THAP4: variants seen among roughly 807,000 people sequenced by gnomAD.
THAP4 encodes the protein THAP domain containing 4, also known as peroxynitrite isomerase THAP4.
Under a neutral mutation model 48.1 loss-of-function variants are expected in THAP4, and 18 were observed. The ratio of observed to expected loss-of-function variants is 0.37; its 90% CI spans 0.26 to 0.56. THAP4 has a LOEUF of 0.56. Among genes scored for constraint, THAP4 ranks in the 20% least tolerant of loss-of-function variants. The probability of loss-of-function intolerance (pLI) is 0.78; values close to 1 mark genes in which losing one functional copy is unlikely to be tolerated. For missense variants in THAP4, 656 were observed against 774.9 expected, an observed-to-expected ratio of 0.85 and a Z score of 1.82; for synonymous variants, 345 against 324.9, an observed-to-expected ratio of 1.06 and a Z score of -0.66.
chr2:241,617,403 C>T (rs1331151615), intron 2 of THAP4: 2 of 1,543,270 alleles, frequency 1.3e-6, no homozygotes, highest in African/African-American at 1.4e-5. Flanking sequence ...ACACTGAAAG[C>T]AGGCTTACCC....
intron 2 of THAP4, among the ~76,000 whole-genome samples, chr2:241,618,417 G>A (rs183494430): frequency 2.0e-4 from 30 of 152,340 alleles, no homozygotes; most frequent in African/African-American, 7.2e-4. Context: ...AATTTGATAA[G>A]ATGGCCAATT....
intron 2 of THAP4, among the ~76,000 whole-genome samples, chr2:241,631,491 A>G (rs1043535494): frequency 6.6e-6 from 1 of 152,346 alleles, no homozygotes; most frequent in South Asian, 2.1e-4. Context: ...TTTTTGAGAC[A>G]GGGTCTCACT....
intron 2 of THAP4, among the ~76,000 whole-genome samples, chr2:241,620,949 G>A (rs879387584): frequency 1.3e-5 from 2 of 151,818 alleles, no homozygotes; most frequent in Non-Finnish European, 2.9e-5. Flanking sequence ...CAAAAATAAC[G>A]AGACATGCTA....
chr2:241,631,427 G>A (rs892670218), intron 2 of THAP4, among the ~76,000 whole-genome samples: 4 of 152,082 alleles, frequency 2.6e-5, no homozygotes, highest in African/African-American at 9.7e-5. Context: ...TAAAATATGG[G>A]AAAAAACAGA....
intron 2 of THAP4, among the ~76,000 whole-genome samples, chr2:241,632,629 A>C (rs903942518): frequency 1.3e-5 from 2 of 151,984 alleles, no homozygotes; most frequent in Non-Finnish European, 2.9e-5. Flanking sequence ...TTCCCTGTGC[A>C]CTCTCCACGG....
At position 241,633,840 on chromosome 2, in the gene THAP4, C is replaced by A; in HGVS notation, c.317G>T (p.Ser106Ile). The A allele has an allele frequency of 6.2e-7, 1 of 1,613,766 alleles. No individual in the cohort carries two copies. The highest frequency in any genetic ancestry group is 8.5e-7 in the Non-Finnish European group (1 of 1,179,696). The stretch of plus-strand genomic sequence containing the variant: ...TCCCCTCACACCCCCTGTGGCCTTG[C>A]TGGCATCTTTTCTCCGGGTGCGGCC... Reference protein sequence around the residue: ...GHGRTRRKDASKATGGVRGHS... With the variant: ...GHGRTRRKDAIKATGGVRGHS... Residue 106 changes from serine to isoleucine, a missense_variant, in exon 2 of 6, where the codon AGC becomes ATC. By Grantham distance (142) the Ser-to-Ile change is moderately radical. Transcript: ENST00000407315. This position sits in a 1 kb window ranked among gnomAD's most constrained non-coding sequence, Gnocchi z 7.5.
At chr2:241,618,475 T>C (rs886321686) in intron 2 of THAP4, among the ~76,000 whole-genome samples, 5 of 151,956 alleles carry the variant, frequency 3.3e-5, no homozygotes, top group African/African-American at 1.2e-4. Flanking sequence ...CGAAAAATAA[T>C]GGGTGGGGAG....
intron 2 of THAP4, among the ~76,000 whole-genome samples, chr2:241,628,664 G>A (rs1217264112): frequency 6.6e-6 from 1 of 150,534 alleles, no homozygotes; most frequent in Non-Finnish European, 1.5e-5. Flanking sequence ...TACTGGAATA[G>A]GATTTTTTTT....
rs550031430 is a variant in THAP4 at position 241,601,417 on chromosome 2, CT to C, written c.1614+478del. 6.6e-6 allele frequency among the ~76,000 whole-genome samples: 1 copy of C among 152,298 alleles called. No individual in the cohort carries two copies. Among genetic ancestry groups the C allele is most frequent in the South Asian group, 2.1e-4 (1 of 4,830 alleles). On this transcript the variant is annotated intron_variant, in intron 5 of 5. Transcript: ENST00000407315. This position sits in a 1 kb window ranked among gnomAD's most constrained non-coding sequence, Gnocchi z 4.0. The stretch of plus-strand genomic sequence containing the variant: ...ATTCAAAACATGAGTGAGATTTCAT[CT>C]TTTATTTCTCAGATTTGAAAGGACC...
At position 241,616,994 on chromosome 2, in the gene THAP4, G is replaced by A. The variant is rs1357074925; in HGVS notation, c.1241-10521C>T. On this transcript the variant is annotated intron_variant, in intron 2 of 5. Coordinates refer to ENST00000407315, the MANE Select transcript of THAP4 (RefSeq NM_015963.6). The surrounding 1 kb of genome is among the most constrained non-coding windows in gnomAD (Gnocchi z 4.6). ...TGCACCCTCCACCACTTCGGGCCGC[G>A]TGGAACGTGGCAGCAGCCTAGCCAC... Among the ~76,000 whole-genome samples the A allele has an allele frequency of 6.6e-6, 1 of 152,166 alleles. No homozygotes were observed. Among genetic ancestry groups the A allele is most frequent in the African/African-American group, 2.4e-5 (1 of 41,432 alleles).
intron 5 of THAP4, among the ~76,000 whole-genome samples, chr2:241,599,909 G>C (rs2125074702): frequency 6.6e-6 from 1 of 152,292 alleles, no homozygotes; most frequent in Middle Eastern, 3.4e-3. Context: ...TGGACAAGCA[G>C]ACGAAGAAAG....
intron 5 of THAP4, among the ~76,000 whole-genome samples, chr2:241,594,326 G>A (rs2067023323): frequency 6.6e-6 from 1 of 152,196 alleles, no homozygotes; most frequent in African/African-American, 2.4e-5. Flanking sequence ...GCTTATGCCT[G>A]TAATTCCAGC....
At chr2:241,590,436 C>T (rs1462356682) in intron 5 of THAP4, among the ~76,000 whole-genome samples, 4 of 149,958 alleles carry the variant, frequency 2.7e-5, no homozygotes, top group South Asian at 4.3e-4. Flanking sequence ...GGCACTAGGA[C>T]ACGCAGAGCT....
chr2:241,630,719 C>T (rs964603435), intron 2 of THAP4, among the ~76,000 whole-genome samples: 6 of 147,234 alleles, frequency 4.1e-5, no homozygotes, highest in South Asian at 2.2e-4. Flanking sequence ...GTGGAGGTTG[C>T]GGTGAGCCAA....
chr2:241,633,362 C>T lies in THAP4; in HGVS notation c.795G>A (p.Val265=). ...GGCTGCTCCCACTGCAGCTTGGTTCCACATCTTTCTTCAGCCTCTTGCGGT... is the reference window on the plus strand; with the variant it reads ...GGCTGCTCCCACTGCAGCTTGGTTCTACATCTTTCTTCAGCCTCTTGCGGT... ...PIDRKRLKKD[V]EPSCSGSSLG... Residue 265 remains valine, a synonymous_variant, in exon 2 of 6, where the codon GTG becomes GTA. Transcript: ENST00000407315. This position sits in a 1 kb window ranked among gnomAD's most constrained non-coding sequence, Gnocchi z 7.5. 1 of 1,612,874 alleles carries T rather than the reference C, an allele frequency of 6.2e-7. No homozygotes were observed. Among genetic ancestry groups the T allele is most frequent in the Non-Finnish European group, 8.5e-7 (1 of 1,179,984 alleles).
At chr2:241,624,133 C>T (rs1416621470) in intron 2 of THAP4, among the ~76,000 whole-genome samples, 1 of 152,178 alleles carries the variant, frequency 6.6e-6, no homozygotes, top group Non-Finnish European at 1.5e-5. Context: ...TGCTAGGAGG[C>T]TCTCAGAACC....
intron 2 of THAP4, among the ~76,000 whole-genome samples, chr2:241,626,038 A>G (rs561075923): frequency 6.6e-6 from 1 of 152,324 alleles, no homozygotes; most frequent in South Asian, 2.1e-4. Flanking sequence ...CGTAAATCAC[A>G]GGATCACATT....
chr2:241,625,043 C>G (rs2067480195), intron 2 of THAP4, among the ~76,000 whole-genome samples: 1 of 152,102 alleles, frequency 6.6e-6, no homozygotes, highest in African/African-American at 2.4e-5. Flanking sequence ...CAGAAAGCAC[C>G]AAGCCCTGCT....
At chr2:241,595,394 T>C (rs752366875) in intron 5 of THAP4, among the ~76,000 whole-genome samples, 38 of 152,062 alleles carry the variant, frequency 2.5e-4, no homozygotes, top group Middle Eastern at 3.4e-3. Flanking sequence ...TCCTGGCACA[T>C]TGGGAGGCTG....
Sources: gnomAD v4.1 joint callset for allele counts (sites outside exome capture counted in the v4.1 genomes callset) on GRCh38, gnomAD v4.1.1 for gene constraint, Gnocchi (gnomAD v3.1) non-coding constraint, MANE v1.5 for transcripts, NCBI Gene and HGNC (gene_info 2026-07-23, HGNC 2026-07-21) for gene names.